LRP1B: variants seen among roughly 807,000 people sequenced by gnomAD.
LRP1B encodes LDL receptor related protein 1B.
Under a neutral mutation model 556.6 loss-of-function variants are expected in LRP1B, and 217 were observed. The observed-to-expected ratio is 0.39, with a 90% CI of 0.35 to 0.44. The LOEUF is 0.44. Among genes scored for constraint, LRP1B ranks in the 20% least tolerant of loss-of-function variants. LRP1B has a pLI of 1.00. For missense variants in LRP1B, 5,053 were observed against 5,620.8 expected (o/e 0.90, Z 3.23); for synonymous variants, 2,047 against 1,865.8 (o/e 1.10, Z -2.50).
chr2:140,962,529 C>T (rs1000575405), intron 18 of LRP1B, among the ~76,000 whole-genome samples: 3 of 152,148 alleles, frequency 2.0e-5, no homozygotes, highest in African/African-American at 4.8e-5. Flanking sequence ...GTTTAAGCTA[C>T]GGTGTTCTGT....
rs538767501 is a variant in LRP1B, at chr2:141,413,827, G to A, written c.343+66569C>T. On this transcript the variant is annotated intron_variant, in intron 3 of 90. Transcript: ENST00000389484. Reference sequence around the variant, plus strand: ...AGGGAGGTTGAGGCTGCAGTGAGCTGTTATTGTGCCACTGCTCTCCCAACC... The same window carrying A: ...AGGGAGGTTGAGGCTGCAGTGAGCTATTATTGTGCCACTGCTCTCCCAACC... 1.1e-4 allele frequency among the ~76,000 whole-genome samples: 16 copies of A among 152,024 alleles called. No homozygotes were observed. In the East Asian group the frequency reaches 2.5e-3, roughly 24 times the overall value.
In LRP1B at chr2:140,334,001, AAAAC is replaced by A. The variant is rs1420784687; in HGVS notation, c.12223+448_12223+451del. On this transcript the variant is annotated intron_variant, in intron 79 of 90. Transcript: ENST00000389484. ...AAGAGCTCTGAATGAAAAGGCAAAA[AAAAC>A]AAAACAAAACAAAACAAAAAAAAAA... Among the ~76,000 whole-genome samples the A allele has an allele frequency of 3.3e-5, 5 of 151,122 alleles. No homozygotes were observed. In the East Asian group the frequency reaches 9.7e-4, roughly 29 times the overall value.
chr2:141,276,276 T>G (rs1685280148), intron 3 of LRP1B, among the ~76,000 whole-genome samples: 1 of 151,064 alleles, frequency 6.6e-6, no homozygotes, highest in East Asian at 1.9e-4. Flanking sequence ...CAATTATTCT[T>G]TGGCTTGATA....
chr2:141,276,952 G>A (rs1311729303), intron 3 of LRP1B, among the ~76,000 whole-genome samples: 1 of 151,970 alleles, frequency 6.6e-6, no homozygotes, highest in East Asian at 1.9e-4. Context: ...CACCGCTCCC[G>A]GCCCCCATCT....
At chr2:140,274,714 C>A (rs1028963131) in intron 84 of LRP1B, 116 bp from the exon 85 acceptor site, 2 of 776,800 alleles carry the variant, frequency 2.6e-6, no homozygotes, top group Non-Finnish European at 4.0e-6. Context: ...GATTAATTTA[C>A]AAAAGCAGCT....
chr2:140,839,640 A>G (rs1261176859), intron 31 of LRP1B, among the ~76,000 whole-genome samples: 2 of 152,190 alleles, frequency 1.3e-5, no homozygotes, highest in East Asian at 1.9e-4. Context: ...TACAGACTGA[A>G]GACTGCGCTG....
chr2:140,684,331 A>G (rs1157225779), intron 41 of LRP1B, among the ~76,000 whole-genome samples: 1 of 152,240 alleles, frequency 6.6e-6, no homozygotes, highest in Non-Finnish European at 1.5e-5. Flanking sequence ...TGGTTAATGT[A>G]GATGTCTTTC....
chr2:140,894,633 G>A (rs945031591), intron 23 of LRP1B, among the ~76,000 whole-genome samples: 1 of 152,004 alleles, frequency 6.6e-6, no homozygotes, highest in Admixed American at 6.6e-5. Context: ...GATGATATCC[G>A]GGGAAGTAGA....
intron 72 of LRP1B, among the ~76,000 whole-genome samples, chr2:140,360,887 T>C (rs1330969235): frequency 6.6e-6 from 1 of 151,490 alleles, no homozygotes; most frequent in East Asian, 1.9e-4. Context: ...AAATTTGCTG[T>C]TTCCTATAAT....
chr2:141,767,932 G>T (rs1490045002), intron 2 of LRP1B, among the ~76,000 whole-genome samples: 2 of 152,058 alleles, frequency 1.3e-5, no homozygotes, highest in Non-Finnish European at 2.9e-5. Context: ...TTGCATGGCT[G>T]GTTATTCTGT....
intron 6 of LRP1B, among the ~76,000 whole-genome samples, chr2:141,193,788 A>T (rs967002418): frequency 6.6e-6 from 1 of 152,020 alleles, no homozygotes; most frequent in African/African-American, 2.4e-5. Flanking sequence ...AAAAAAAATA[A>T]AAATAAAAGG....
At position 141,974,840 on chromosome 2, in the gene LRP1B, G is replaced by T. The variant is rs760546813; in HGVS notation, c.82+155808C>A. ...CTATTAATGATGGTAGCTCTGCAGAGTATCACTAGAGTGAAGATTTGAGCT... is the reference window on the plus strand; with the variant it reads ...CTATTAATGATGGTAGCTCTGCAGATTATCACTAGAGTGAAGATTTGAGCT... On this transcript the variant is annotated intron_variant, in intron 1 of 90. Transcript: ENST00000389484. Among the ~76,000 whole-genome samples the T allele has an allele frequency of 9.7e-4, 148 of 152,188 alleles. 1 individual carries two copies. Among genetic ancestry groups the T allele is most frequent in the Non-Finnish European group, 1.7e-3 (117 of 67,984 alleles).
intron 11 of LRP1B, among the ~76,000 whole-genome samples, chr2:141,024,112 C>T (rs896763436): frequency 1.3e-5 from 2 of 151,936 alleles, no homozygotes; most frequent in African/African-American, 4.8e-5. Flanking sequence ...CCATAAATAG[C>T]TCATATGTAT....
At chr2:140,293,325 T>C (rs1399149264) in intron 84 of LRP1B, among the ~76,000 whole-genome samples, 1 of 152,246 alleles carries the variant, frequency 6.6e-6, no homozygotes, top group East Asian at 1.9e-4. Context: ...TTTTTATTTA[T>C]ACTAGTAATT....
At chr2:141,458,674 A>C (rs1681731826) in intron 3 of LRP1B, among the ~76,000 whole-genome samples, 2 of 152,154 alleles carry the variant, frequency 1.3e-5, no homozygotes, top group Admixed American at 1.3e-4. Flanking sequence ...AACCAAAAGA[A>C]AATCAACTTT....
At chr2:141,694,145 C>T (rs757835128) in intron 2 of LRP1B, among the ~76,000 whole-genome samples, 6 of 152,068 alleles carry the variant, frequency 3.9e-5, no homozygotes, top group African/African-American at 1.4e-4. Context: ...CTCCCTCTAC[C>T]TCTACCTCTC....
intron 1 of LRP1B, among the ~76,000 whole-genome samples, chr2:141,827,244 TG>T (rs1696965920): frequency 6.6e-6 from 1 of 152,228 alleles, no homozygotes; most frequent in South Asian, 2.1e-4. Context: ...TCCTCCTAAA[TG>T]CTCTTTTAAT....
intron 2 of LRP1B, among the ~76,000 whole-genome samples, chr2:141,717,827 C>T (rs769374273): frequency 6.6e-6 from 1 of 152,200 alleles, no homozygotes; most frequent in East Asian, 1.9e-4. Flanking sequence ...ACAATCATTA[C>T]TAATGTTAAA....
chr2:140,330,009 G>A (rs1680712139), intron 79 of LRP1B, among the ~76,000 whole-genome samples: 2 of 151,686 alleles, frequency 1.3e-5, no homozygotes, highest in African/African-American at 2.4e-5. Flanking sequence ...AGACCAGCCT[G>A]GCCAACATGG....
Sources: allele counts gnomAD v4.1 joint callset (sites outside exome capture counted in the v4.1 genomes callset), GRCh38; gene constraint gnomAD v4.1.1; transcripts MANE v1.5; gene names NCBI Gene and HGNC (gene_info 2026-07-23, HGNC 2026-07-21).